KCNQ5: variants seen among roughly 807,000 people sequenced by gnomAD.
KCNQ5 encodes the protein potassium voltage-gated channel subfamily KQT member 5.
A neutral mutation model predicts 98.2 loss-of-function variants in KCNQ5; 30 were observed. That is an observed-to-expected ratio of 0.31 (90% CI 0.23 to 0.41). The LOEUF (loss-of-function observed/expected upper bound fraction) is 0.41. KCNQ5 is among the 10% of genes least tolerant of loss of function. The pLI, the probability that KCNQ5 is intolerant of heterozygous loss-of-function variation, is 1.00. For synonymous variants in KCNQ5, 458 were observed against 449.4 expected (o/e 1.02, Z -0.24); for missense variants, 835 against 1,182.5 (o/e 0.71, Z 4.31).
chr6:73,190,267 AG>A (rs1765543416), intron 11 of KCNQ5, among the ~76,000 whole-genome samples: 1 of 152,306 alleles, frequency 6.6e-6, no homozygotes. Flanking sequence ...TGCATGGAAA[AG>A]TTAGAATTGC....
At chr6:73,067,277 G>A (rs1344958453) in intron 3 of KCNQ5, among the ~76,000 whole-genome samples, 2 of 152,066 alleles carry the variant, frequency 1.3e-5, no homozygotes, top group African/African-American at 2.4e-5. Context: ...CCATTTACCA[G>A]CTAAATGACT....
intron 1 of KCNQ5, among the ~76,000 whole-genome samples, chr6:72,913,111 T>C (rs536108368): frequency 1.8e-4 from 27 of 152,172 alleles, no homozygotes; most frequent in Non-Finnish European, 3.1e-4. Context: ...ATATATACAT[T>C]AAGCCTAATT....
intron 1 of KCNQ5, among the ~76,000 whole-genome samples, chr6:72,657,651 A>G: frequency 6.6e-6 from 1 of 152,232 alleles, no homozygotes; most frequent in East Asian, 1.9e-4. Context: ...ATGTGCCAAG[A>G]CTATAAAATT....
At chr6:72,894,057 A>G (rs1779154763) in intron 1 of KCNQ5, among the ~76,000 whole-genome samples, 1 of 151,994 alleles carries the variant, frequency 6.6e-6, no homozygotes, top group Admixed American at 6.5e-5. Flanking sequence ...TTGGTGTAGA[A>G]CTTTATAGTA....
intron 10 of KCNQ5, among the ~76,000 whole-genome samples, chr6:73,137,312 T>C (rs1035636204): frequency 5.9e-5 from 9 of 152,304 alleles, no homozygotes; most frequent in African/African-American, 1.9e-4. Flanking sequence ...TATTCCATAC[T>C]TGTGTGTACC....
At chr6:72,890,436 T>G (rs1779014392) in intron 1 of KCNQ5, among the ~76,000 whole-genome samples, 1 of 150,546 alleles carries the variant, frequency 6.6e-6, no homozygotes, top group Non-Finnish European at 1.5e-5. Flanking sequence ...GTTTTTCATT[T>G]CTGTGGCAAC....
chr6:72,999,459 T>G (rs1205584723), intron 1 of KCNQ5, among the ~76,000 whole-genome samples: 1 of 152,216 alleles, frequency 6.6e-6, no homozygotes, highest in Non-Finnish European at 1.5e-5. Context: ...TCCAGACTAA[T>G]TTTGAAGGAA....
chr6:73,187,559 T>G (rs764081769), intron 11 of KCNQ5, among the ~76,000 whole-genome samples: 1 of 151,942 alleles, frequency 6.6e-6, no homozygotes, highest in African/African-American at 2.4e-5. Flanking sequence ...ACCTGAAGAG[T>G]GGTATGATGT....
At chr6:72,978,534 T>A (rs1455938431) in intron 1 of KCNQ5, among the ~76,000 whole-genome samples, 1 of 152,242 alleles carries the variant, frequency 6.6e-6, no homozygotes, top group African/African-American at 2.4e-5. Context: ...TGATAGGGAC[T>A]CAGTGATGAG....
chr6:72,903,770 A>T (rs1779597549), intron 1 of KCNQ5, among the ~76,000 whole-genome samples: 1 of 152,106 alleles, frequency 6.6e-6, no homozygotes, highest in African/African-American at 2.4e-5. Context: ...TCTTGGAGAA[A>T]GTTCCATGCA....
intron 7 of KCNQ5, among the ~76,000 whole-genome samples, chr6:73,117,784 C>G (rs1326961229): frequency 6.6e-6 from 1 of 152,188 alleles, no homozygotes; most frequent in Non-Finnish European, 1.5e-5. Context: ...AAGCTGCAAT[C>G]CTAAATCCAT....
At chr6:72,871,229 G>A (rs1778192273) in intron 1 of KCNQ5, among the ~76,000 whole-genome samples, 2 of 152,024 alleles carry the variant, frequency 1.3e-5, no homozygotes, top group Admixed American at 1.3e-4. Flanking sequence ...ATTTTTTTTA[G>A]TTTGGAAGAA....
At chr6:72,875,094 G>T (rs1229930972) in intron 1 of KCNQ5, among the ~76,000 whole-genome samples, 1 of 152,046 alleles carries the variant, frequency 6.6e-6, no homozygotes, top group Non-Finnish European at 1.5e-5. Context: ...CAGCCTGAAG[G>T]CATTTAAAAC....
rs183278749 is a variant in KCNQ5, at chr6:72,623,629, G to A, written c.398+1042G>A. 4.3e-3 allele frequency among the ~76,000 whole-genome samples: 647 copies of A among 152,110 alleles called. 6 individuals are homozygous for A. The highest frequency in any genetic ancestry group is 0.015 in the African/African-American group (612 of 41,500). ...GGTTGTTTTTATAATGTTACCTCGTGTCTAATTCTTTTTTTCTTCCTCTTC... is the reference window on the plus strand; with the variant it reads ...GGTTGTTTTTATAATGTTACCTCGTATCTAATTCTTTTTTTCTTCCTCTTC... On this transcript the variant is annotated intron_variant, in intron 1 of 13. Coordinates refer to ENST00000370398, the MANE Select transcript of KCNQ5 (RefSeq NM_019842.4).
At chr6:72,824,985 G>A (rs1582362870) in intron 1 of KCNQ5, among the ~76,000 whole-genome samples, 1 of 151,950 alleles carries the variant, frequency 6.6e-6, no homozygotes. Flanking sequence ...AGAGAAGTGG[G>A]CAGGAGAGAC....
intron 11 of KCNQ5, among the ~76,000 whole-genome samples, chr6:73,178,917 A>T (rs568045054): frequency 6.6e-6 from 1 of 152,338 alleles, no homozygotes; most frequent in Admixed American, 6.5e-5. Context: ...ATATGCCTTC[A>T]ATAGTGACCC....
chr6:73,134,062 G>C (rs1414260819), intron 10 of KCNQ5: 3 of 461,922 alleles, frequency 6.5e-6, no homozygotes, highest in Non-Finnish European at 1.3e-5. Flanking sequence ...ATCATTTCTG[G>C]TCAACAATGA....
intron 1 of KCNQ5, among the ~76,000 whole-genome samples, chr6:72,824,139 A>T (rs1423381869): frequency 2.6e-5 from 4 of 152,096 alleles, no homozygotes; most frequent in Admixed American, 1.3e-4. Flanking sequence ...TTGTTTAAGA[A>T]AATTAGTTTC....
intron 1 of KCNQ5, among the ~76,000 whole-genome samples, chr6:72,727,454 C>T (rs1770341477): frequency 6.6e-6 from 1 of 152,154 alleles, no homozygotes; most frequent in Non-Finnish European, 1.5e-5. Context: ...GTACTCAGTG[C>T]CCATCCCTCT....
Sources: gnomAD v4.1 joint callset for allele counts (sites outside exome capture counted in the v4.1 genomes callset) on GRCh38, gnomAD v4.1.1 for gene constraint, MANE v1.5 for transcripts, NCBI Gene and HGNC (gene_info 2026-07-23, HGNC 2026-07-21) for gene names.